Variants in CCDC85A observed in about 807,000 individuals in gnomAD.
CCDC85A encodes coiled-coil domain-containing protein 85A.
CCDC85A carries 38 observed loss-of-function variants against 50.2 expected under a neutral mutation model. The ratio of observed to expected loss-of-function variants is 0.76; its 90% confidence interval spans 0.58 to 0.99. The LOEUF is 0.99. CCDC85A is among the 50% of genes least tolerant of loss of function. The pLI is 0.00. For synonymous variants in CCDC85A, 366 were observed against 301.4 expected (o/e 1.21, Z -2.22); for missense variants, 820 against 742.0 (o/e 1.11, Z -1.22).
chr2:56,361,784 G>T (rs80215089), intron 3 of CCDC85A, among the ~76,000 whole-genome samples: 1,555 of 152,282 alleles, frequency 0.01, 37 homozygotes, highest in African/African-American at 0.035. Context: ...GATATGAGTC[G>T]ATGGAATGCT....
intron 2 of CCDC85A, among the ~76,000 whole-genome samples, chr2:56,289,502 A>G (rs895973028): frequency 2.6e-5 from 4 of 152,150 alleles, no homozygotes; most frequent in Admixed American, 2.0e-4. Context: ...GAAGGACATT[A>G]TAACCAGAGG....
chr2:56,264,113 G>A (rs544954589), intron 2 of CCDC85A, among the ~76,000 whole-genome samples: 61 of 152,272 alleles, frequency 4.0e-4, no homozygotes, highest in African/African-American at 1.4e-3. Flanking sequence ...TCAGGCTGTG[G>A]GTTGAACAGA....
At chr2:56,303,799 G>A (rs778262924) in intron 2 of CCDC85A, among the ~76,000 whole-genome samples, 2 of 152,124 alleles carry the variant, frequency 1.3e-5, no homozygotes, top group Non-Finnish European at 2.9e-5. Flanking sequence ...ACAAGTGTAA[G>A]GGGTGCTTTA....
chr2:56,227,580 G>A (rs1053858043), intron 2 of CCDC85A, among the ~76,000 whole-genome samples: 1 of 152,122 alleles, frequency 6.6e-6, no homozygotes, highest in Non-Finnish European at 1.5e-5. Flanking sequence ...GACTTGTCCA[G>A]TCTACCTGTG....
rs549160537 is a variant in CCDC85A at position 56,269,570 on chromosome 2, T to C, written c.1241-73309T>C. ...TAAATTTGTCTTTGCTAACACGTAT[T>C]GAGGATTCATCAAATTCTCCAGAGA... is the stretch of plus-strand genomic sequence containing the variant. On this transcript the variant is annotated intron_variant, in intron 2 of 5. Coordinates refer to ENST00000407595, the MANE Select transcript of CCDC85A (RefSeq NM_001080433.2). Among the ~76,000 whole-genome samples, 180 of 152,298 alleles carry C rather than the reference T, an allele frequency of 1.2e-3. 2 individuals are homozygous for C. The highest frequency in any genetic ancestry group is 5.8e-3 in the Admixed American group (88 of 15,296).
intron 2 of CCDC85A, among the ~76,000 whole-genome samples, chr2:56,226,402 G>C (rs916815939): frequency 6.6e-6 from 1 of 152,048 alleles, no homozygotes; most frequent in Non-Finnish European, 1.5e-5. Flanking sequence ...TGGATGAGAG[G>C]GTGGATACCT....
At chr2:56,357,661 T>TTTTTTC (rs1193036377) in intron 3 of CCDC85A, among the ~76,000 whole-genome samples, 1 of 150,116 alleles carries the variant, frequency 6.7e-6, no homozygotes, top group African/African-American at 2.4e-5. Context: ...TTTCCTTTTT[T>TTTTTTC]TTTTTTTTTT....
intron 2 of CCDC85A, among the ~76,000 whole-genome samples, chr2:56,277,276 A>G (rs922833406): frequency 2.6e-5 from 4 of 152,146 alleles, no homozygotes; most frequent in South Asian, 2.1e-4. Flanking sequence ...TTCATGACCT[A>G]TCATCTTGCA....
intron 2 of CCDC85A, among the ~76,000 whole-genome samples, chr2:56,266,608 A>G (rs1670460510): frequency 2.4e-5 from 3 of 122,838 alleles, no homozygotes; most frequent in African/African-American, 8.7e-5. Flanking sequence ...TCTTCCTCCA[A>G]AAAAGATCCA....
At chr2:56,292,002 G>T (rs1433610009) in intron 2 of CCDC85A, among the ~76,000 whole-genome samples, 3 of 152,152 alleles carry the variant, frequency 2.0e-5, no homozygotes, top group African/African-American at 7.2e-5. Context: ...TTTGAGACAT[G>T]TGTCTCAGTA....
intron 2 of CCDC85A, among the ~76,000 whole-genome samples, chr2:56,281,856 G>C (rs1418546305): frequency 6.6e-6 from 1 of 152,056 alleles, no homozygotes; most frequent in African/African-American, 2.4e-5. Context: ...TAGTGAATAA[G>C]AATGTTTTCT....
intron 2 of CCDC85A, among the ~76,000 whole-genome samples, chr2:56,274,969 C>G (rs969427135): frequency 6.6e-6 from 1 of 152,090 alleles, no homozygotes; most frequent in African/African-American, 2.4e-5. Flanking sequence ...AAACCAAGCT[C>G]TCTGGTGTCT....
At chr2:56,352,964 A>T (rs367694270) in intron 3 of CCDC85A, among the ~76,000 whole-genome samples, 2 of 152,316 alleles carry the variant, frequency 1.3e-5, no homozygotes, top group East Asian at 3.9e-4. Flanking sequence ...ATGACTCTTT[A>T]TCCAGAGAGT....
At chr2:56,262,614 G>A (rs1210546962) in intron 2 of CCDC85A, among the ~76,000 whole-genome samples, 1 of 152,090 alleles carries the variant, frequency 6.6e-6, no homozygotes, top group Non-Finnish European at 1.5e-5. Flanking sequence ...ACATTGCTAG[G>A]TTTCATTAAA....
chr2:56,268,262 T>G (rs1670538061), intron 2 of CCDC85A, among the ~76,000 whole-genome samples: 1 of 152,026 alleles, frequency 6.6e-6, no homozygotes, highest in Non-Finnish European at 1.5e-5. Context: ...AGATTCAGGT[T>G]TCATGGGGCT....
At chr2:56,239,341 T>A (rs1220705110) in intron 2 of CCDC85A, among the ~76,000 whole-genome samples, 1 of 152,060 alleles carries the variant, frequency 6.6e-6, no homozygotes, top group African/African-American at 2.4e-5. Context: ...CAAGGAGAGA[T>A]GGCATAAAGT....
intron 2 of CCDC85A, among the ~76,000 whole-genome samples, chr2:56,323,535 A>G (rs1459137939): frequency 2.0e-5 from 3 of 152,004 alleles, no homozygotes; most frequent in South Asian, 2.1e-4. Context: ...GAAAGTTCCA[A>G]ATGCCCCCCT....
At position 56,327,552 on chromosome 2, in the gene CCDC85A, G is replaced by C. The variant is rs1384274557; in HGVS notation, c.1241-15327G>C. ...CCTTTTATGCTAAATCAGTATGGTT[G>C]TTACATTTAAAACATTTTTAAGCTG... On this transcript the variant is annotated intron_variant, in intron 2 of 5. Coordinates refer to ENST00000407595, the MANE Select transcript of CCDC85A (RefSeq NM_001080433.2). 2.6e-5 allele frequency among the ~76,000 whole-genome samples: 4 copies of C among 152,210 alleles called. No individual in the cohort carries two copies. The South Asian group carries it at 8.3e-4, about 32-fold the overall frequency.
At chr2:56,312,310 G>A (rs1672733046) in intron 2 of CCDC85A, among the ~76,000 whole-genome samples, 1 of 152,026 alleles carries the variant, frequency 6.6e-6, no homozygotes, top group Non-Finnish European at 1.5e-5. Context: ...GAATTTCGTG[G>A]ACTGTGTTGG....
Sources: gnomAD v4.1 joint callset for allele counts (sites outside exome capture counted in the v4.1 genomes callset) on GRCh38, gnomAD v4.1.1 for gene constraint, MANE v1.5 for transcripts, NCBI Gene and HGNC (gene_info 2026-07-23, HGNC 2026-07-21) for gene names.